Variants in BACE2 observed in about 807,000 individuals in gnomAD.
BACE2 encodes beta-secretase 2, also known as 56 kDa aspartic-like protease.
Under a neutral mutation model 46.2 loss-of-function variants are expected in BACE2, and 17 were observed. The ratio of observed to expected loss-of-function variants is 0.37; its 90% confidence interval spans 0.25 to 0.55. The LOEUF (loss-of-function observed/expected upper bound fraction) is 0.55, where lower values mean the gene tolerates loss of function less well. Ranked by LOEUF, BACE2 falls within the 20% of genes least tolerant of loss-of-function variation. The probability of loss-of-function intolerance (pLI) is 0.82; values close to 1 mark genes in which losing one functional copy is unlikely to be tolerated. For synonymous variants in BACE2, 277 were observed against 295.9 expected (o/e 0.94, Z 0.66); for missense variants, 595 against 698.1 (o/e 0.85, Z 1.66).
intron 8 of BACE2, among the ~76,000 whole-genome samples, chr21:41,269,838 A>AT (rs1306470357): frequency 6.6e-6 from 1 of 152,146 alleles, no homozygotes; most frequent in Non-Finnish European, 1.5e-5. Flanking sequence ...TTTGTTTTTT[A>AT]TTTCTCCTGG....
chr21:41,234,969 A>C (rs185611037), intron 2 of BACE2, among the ~76,000 whole-genome samples: 3 of 152,344 alleles, frequency 2.0e-5, no homozygotes, highest in Admixed American at 1.3e-4. Context: ...CGGTGGAGTG[A>C]ACCAAGATAG....
intron 4 of BACE2, 49 bp from the exon 5 acceptor site, chr21:41,243,327 T>C: frequency 1.3e-6 from 2 of 1,490,004 alleles, no homozygotes; most frequent in South Asian, 1.5e-5. Context: ...AACCTGTTGA[T>C]ATGTCTGTGT....
rs114441610 is a variant in BACE2, at chr21:41,171,217, C to T, written c.312+2642C>T. Among the ~76,000 whole-genome samples, 1,046 of 152,346 alleles carry T rather than the reference C, an allele frequency of 6.9e-3. 12 individuals are homozygous for T. Among genetic ancestry groups the T allele is most frequent in the African/African-American group, 0.024 (991 of 41,570 alleles). On this transcript the variant is annotated intron_variant, in intron 1 of 8. Coordinates refer to ENST00000330333, the MANE Select transcript of BACE2 (RefSeq NM_012105.5). ...CCTCCGGAACTCCGTGCTGTTCCCC[C>T]ATCTCCTCTTTCCTTCAGCACTGCT...
At chr21:41,232,631 G>A (rs542352861) in intron 2 of BACE2, among the ~76,000 whole-genome samples, 2 of 152,112 alleles carry the variant, frequency 1.3e-5, no homozygotes, top group African/African-American at 4.8e-5. Context: ...GTTTAAAGGA[G>A]CCAGGCACCT....
At chr21:41,238,823 G>C (rs1221466312) in intron 3 of BACE2, among the ~76,000 whole-genome samples, 1 of 112,768 alleles carries the variant, frequency 8.9e-6, no homozygotes, top group African/African-American at 3.3e-5. Flanking sequence ...GGAGGGGGGA[G>C]GGATAGCCTT....
intron 1 of BACE2, among the ~76,000 whole-genome samples, chr21:41,197,494 A>T (rs534104426): frequency 6.6e-6 from 1 of 152,234 alleles, no homozygotes; most frequent in African/African-American, 2.4e-5. Context: ...CCTGCTGTGG[A>T]GAGGTCTTCT....
In BACE2 at chr21:41,218,333, A is replaced by T. The variant is rs1986537209; in HGVS notation, c.313-7933A>T. On this transcript the variant is annotated intron_variant, in intron 1 of 8. Coordinates refer to ENST00000330333, the MANE Select transcript of BACE2 (RefSeq NM_012105.5). ...CATATATATAAAGTGTTAAGAAAAA[A>T]AATATGACCCAAATGCACAAAACCC... Among the ~76,000 whole-genome samples, 4 of 152,330 alleles carry T rather than the reference A, an allele frequency of 2.6e-5. No individual in the cohort carries two copies. In the South Asian group the frequency reaches 8.3e-4, roughly 32 times the overall value.
chr21:41,208,417 C>G (rs766624949), intron 1 of BACE2, among the ~76,000 whole-genome samples: 53 of 152,168 alleles, frequency 3.5e-4, no homozygotes, highest in Non-Finnish European at 6.5e-4. Context: ...AAAGTCCATC[C>G]TTGCTGCTCT....
intron 8 of BACE2, 67 bp from the exon 9 acceptor site, chr21:41,275,304 C>A (rs893162817): frequency 1.2e-6 from 2 of 1,601,860 alleles, no homozygotes; most frequent in Non-Finnish European, 1.7e-6. Flanking sequence ...GGGGTTCTGT[C>A]TGTGTCCAAT....
At chr21:41,216,326 G>A (rs985347213) in intron 1 of BACE2, among the ~76,000 whole-genome samples, 1 of 152,196 alleles carries the variant, frequency 6.6e-6, no homozygotes, top group Admixed American at 6.5e-5. Context: ...TTATTTATTT[G>A]GGGCCATTTC....
intron 7 of BACE2, 25 bp from the exon 8 acceptor site, chr21:41,257,133 T>G (rs1171170009): frequency 6.2e-7 from 1 of 1,613,626 alleles, no homozygotes; most frequent in Non-Finnish European, 8.5e-7. Flanking sequence ...TCTTGTTTGT[T>G]TGCTCTCTCC....
At chr21:41,200,607 G>A (rs1344271966) in intron 1 of BACE2, among the ~76,000 whole-genome samples, 1 of 152,176 alleles carries the variant, frequency 6.6e-6, no homozygotes, top group East Asian at 1.9e-4. Flanking sequence ...CAAACCTCCA[G>A]TACTTCAAAA....
chr21:41,221,689 G>T (rs1450850269), intron 1 of BACE2, among the ~76,000 whole-genome samples: 2 of 152,122 alleles, frequency 1.3e-5, no homozygotes, highest in Non-Finnish European at 2.9e-5. Context: ...TTAGCTGGGC[G>T]TGGTGGCGGG....
At chr21:41,201,402 T>C (rs1985964125) in intron 1 of BACE2, among the ~76,000 whole-genome samples, 1 of 152,220 alleles carries the variant, frequency 6.6e-6, no homozygotes, top group African/African-American at 2.4e-5. Context: ...TATAGCTTCT[T>C]TTATAGCCAG....
At chr21:41,188,985 G>A (rs1038037700) in intron 1 of BACE2, among the ~76,000 whole-genome samples, 11 of 152,194 alleles carry the variant, frequency 7.2e-5, no homozygotes, top group East Asian at 1.9e-4. Context: ...CAGCAGTCTC[G>A]CTCCTGTGGC....
chr21:41,257,249 C>T lies in BACE2; in HGVS notation c.1226C>T (p.Ala409Val), dbSNP rs367858201. Residue 409 changes from alanine (A) to valine (V), a missense_variant, in exon 8 of 9, where the codon GCC becomes GTC. Physicochemically the swap from Ala to Val is moderately conservative, Grantham distance 64. Transcript: ENST00000330333. ...SPSTNALVIGATVMEGFYVIF... is the reference protein window; with the variant it reads ...SPSTNALVIGVTVMEGFYVIF... Reference sequence around the variant, plus strand: ...TCCACAAATGCGCTGGTGATCGGTGCCACGGTGATGGAGGGCTTCTACGTC... The same window carrying T: ...TCCACAAATGCGCTGGTGATCGGTGTCACGGTGATGGAGGGCTTCTACGTC... 6.2e-7 allele frequency: 1 copy of T among 1,614,186 alleles called. No homozygotes were observed. The highest frequency in any genetic ancestry group is 1.7e-5 in the Admixed American group (1 of 60,024).
intron 7 of BACE2, among the ~76,000 whole-genome samples, chr21:41,254,490 A>G (rs1987724629): frequency 6.6e-6 from 1 of 152,176 alleles, no homozygotes; most frequent in Non-Finnish European, 1.5e-5. Context: ...CTTTAAGGCT[A>G]ATCATTACTC....
intron 1 of BACE2, chr21:41,182,562 C>A (rs1568858559): frequency 6.0e-6 from 1 of 167,000 alleles, no homozygotes. Flanking sequence ...TTACTACAAG[C>A]CAAGACCACA....
intron 1 of BACE2, chr21:41,178,584 T>A (rs567133504): frequency 6.2e-4 from 96 of 155,026 alleles, no homozygotes; most frequent in Admixed American, 2.0e-3. Context: ...ATTTTTTTTT[T>A]AAATTAGCCA....
Sources: gnomAD v4.1 joint callset for allele counts (sites outside exome capture counted in the v4.1 genomes callset) on GRCh38, gnomAD v4.1.1 for gene constraint, MANE v1.5 for transcripts, NCBI Gene and HGNC (gene_info 2026-07-23, HGNC 2026-07-21) for gene names.